Variants in LPAR3 observed in about 807,000 individuals in gnomAD.
LPAR3 encodes the protein lysophosphatidic acid receptor 3.
LPAR3 carries 7 observed loss-of-function variants against 17.8 expected under a neutral mutation model. The observed-to-expected ratio is 0.39, with a 90% CI of 0.22 to 0.74. LPAR3 has a LOEUF of 0.74. Ranked by LOEUF, LPAR3 falls within the 30% of genes least tolerant of loss-of-function variation. The probability of loss-of-function intolerance (pLI) is 0.40; values close to 1 mark genes in which losing one functional copy is unlikely to be tolerated. For synonymous variants in LPAR3, 179 were observed against 179.9 expected (o/e 0.99, Z 0.04); for missense variants, 391 against 453.4 (o/e 0.86, Z 1.25).
At chr1:84,892,297 T>C (rs745557299) in intron 1 of LPAR3, among the ~76,000 whole-genome samples, 14 of 152,190 alleles carry the variant, frequency 9.2e-5, no homozygotes, top group Non-Finnish European at 2.1e-4. Flanking sequence ...GCCATTTTAA[T>C]GATTACCTTA....
At chr1:84,840,163 G>C (rs1659480347) in intron 2 of LPAR3, among the ~76,000 whole-genome samples, 2 of 152,322 alleles carry the variant, frequency 1.3e-5, no homozygotes, top group Middle Eastern at 3.4e-3. Context: ...GGCTCAGGCA[G>C]TTCTCCTGCC....
chr1:84,882,612 T>C (rs1460909518), intron 1 of LPAR3, among the ~76,000 whole-genome samples: 6 of 152,222 alleles, frequency 3.9e-5, no homozygotes, highest in Non-Finnish European at 8.8e-5. Context: ...TATGGTAGTA[T>C]GGTACTGGCA....
In LPAR3 at chr1:84,818,392, CA is replaced by C. The variant is rs976433952; in HGVS notation, c.737-4222del. Among the ~76,000 whole-genome samples, 16 of 151,904 alleles carry C rather than the reference CA, an allele frequency of 1.1e-4. No individual in the cohort carries two copies. In the East Asian group the frequency reaches 2.7e-3, roughly 26 times the overall value. On this transcript the variant is annotated intron_variant, in intron 2 of 2. Transcript: ENST00000370611. ...TGTGCTGGGGAGAAAACTTTCATGA[CA>C]AAAAAATCACGTCATTAAAGAACAA...
At position 84,814,245 on chromosome 1, in the gene LPAR3, C is replaced by T. The variant is rs1658889601; in HGVS notation, c.737-74G>A. ...TATTCAGGTTTTCTTCTCTCCCAGC[C>T]TTTAGCCAGTGGCATCAAGGGGCCC... On this transcript the variant is annotated intron_variant, in intron 2 of 2. Transcript: ENST00000370611. 40 of 1,291,488 alleles carry T rather than the reference C, an allele frequency of 3.1e-5. 1 individual carries two copies. The South Asian group carries it at 5.3e-4, about 17-fold the overall frequency. 80.0% of individuals were successfully genotyped at this position (1,291,488 alleles called of 1,614,324 possible).
intron 2 of LPAR3, among the ~76,000 whole-genome samples, chr1:84,850,502 G>A (rs565733188): frequency 2.0e-5 from 3 of 152,108 alleles, no homozygotes; most frequent in Admixed American, 6.5e-5. Flanking sequence ...TGGGAGGATC[G>A]CTTGAACCTG....
intron 1 of LPAR3, among the ~76,000 whole-genome samples, chr1:84,870,525 C>A (rs909791455): frequency 1.4e-4 from 21 of 152,326 alleles, no homozygotes; most frequent in African/African-American, 3.6e-4. Context: ...AAGTAGCGAG[C>A]TCTGTCACCT....
chr1:84,834,357 G>T (rs1035081518), intron 2 of LPAR3, among the ~76,000 whole-genome samples: 1 of 152,168 alleles, frequency 6.6e-6, no homozygotes, highest in African/African-American at 2.4e-5. Flanking sequence ...AGTGCAAGAA[G>T]ACCTTTAAAT....
At chr1:84,819,557 T>C (rs1312020820) in intron 2 of LPAR3, among the ~76,000 whole-genome samples, 1 of 151,978 alleles carries the variant, frequency 6.6e-6, no homozygotes, top group Admixed American at 6.6e-5. Context: ...ATAAGCAAAA[T>C]TATAGATGCC....
At chr1:84,875,251 T>A (rs1361372355) in intron 1 of LPAR3, among the ~76,000 whole-genome samples, 2 of 152,206 alleles carry the variant, frequency 1.3e-5, no homozygotes, top group Non-Finnish European at 1.5e-5. Flanking sequence ...GAGATATTCT[T>A]CTTATACAAA....
At chr1:84,847,831 C>T (rs928964344) in intron 2 of LPAR3, among the ~76,000 whole-genome samples, 8 of 152,332 alleles carry the variant, frequency 5.3e-5, no homozygotes, top group African/African-American at 1.2e-4. Flanking sequence ...GTTTCCCTGA[C>T]GCTGACTTCT....
At chr1:84,855,310 A>C (rs1377027726) in intron 2 of LPAR3, among the ~76,000 whole-genome samples, 1 of 152,228 alleles carries the variant, frequency 6.6e-6, no homozygotes, top group Non-Finnish European at 1.5e-5. Context: ...ATGTTGAATT[A>C]GCCCAGTGAT....
chr1:84,831,609 G>A (rs911369357), intron 2 of LPAR3, among the ~76,000 whole-genome samples: 15 of 151,504 alleles, frequency 9.9e-5, no homozygotes, highest in Admixed American at 7.2e-4. Flanking sequence ...CATCTCATTT[G>A]ACTACTTAAA....
At chr1:84,881,353 A>G (rs1234183666) in intron 1 of LPAR3, among the ~76,000 whole-genome samples, 3 of 152,176 alleles carry the variant, frequency 2.0e-5, no homozygotes, top group Non-Finnish European at 4.4e-5. Flanking sequence ...CCTTCTCTAA[A>G]ACTGGCATAA....
intron 2 of LPAR3, among the ~76,000 whole-genome samples, chr1:84,852,791 A>C (rs1021364508): frequency 1.3e-5 from 2 of 152,200 alleles, no homozygotes; most frequent in Non-Finnish European, 2.9e-5. Flanking sequence ...GGAAGACACT[A>C]TCAAAGGGAG....
intron 2 of LPAR3, among the ~76,000 whole-genome samples, chr1:84,850,638 C>A (rs1254148545): frequency 6.6e-6 from 1 of 152,052 alleles, no homozygotes; most frequent in Non-Finnish European, 1.5e-5. Flanking sequence ...CTCTAGAGAT[C>A]CCCCAACCTC....
chr1:84,886,177 C>T (rs554786718), intron 1 of LPAR3, among the ~76,000 whole-genome samples: 1 of 152,292 alleles, frequency 6.6e-6, no homozygotes, highest in South Asian at 2.1e-4. Flanking sequence ...TTTTAATCTA[C>T]ATCTTCTGTT....
At chr1:84,889,923 C>T (rs1480775689) in intron 1 of LPAR3, among the ~76,000 whole-genome samples, 3 of 152,164 alleles carry the variant, frequency 2.0e-5, no homozygotes, top group African/African-American at 7.2e-5. Context: ...TTATTATCCC[C>T]ACTATATAAA....
chr1:84,814,246 TTTAGCCAG>T, intron 2 of LPAR3, 75 bp from the exon 3 acceptor site: 1 of 1,261,992 alleles, frequency 7.9e-7, no homozygotes, highest in Non-Finnish European at 1.1e-6. Flanking sequence ...TCTCCCAGCC[TTTAGCCAG>T]TGGCATCAAG....
chr1:84,824,826 T>A (rs1659122922), intron 2 of LPAR3, among the ~76,000 whole-genome samples: 3 of 152,190 alleles, frequency 2.0e-5, no homozygotes, highest in Admixed American at 1.3e-4. Context: ...TTTCTCACAC[T>A]CTGCCCTGTT....
Sources: gnomAD v4.1 joint callset for allele counts (sites outside exome capture counted in the v4.1 genomes callset) on GRCh38, gnomAD v4.1.1 for gene constraint, MANE v1.5 for transcripts, NCBI Gene and HGNC (gene_info 2026-07-23, HGNC 2026-07-21) for gene names.